The following ZNF423 variants were observed in gnomAD, a reference collection of about 807,000 sequenced individuals.
ZNF423 encodes the protein Ebf-associated zinc finger protein.
Under a neutral mutation model 95.8 loss-of-function variants are expected in ZNF423, and 12 were observed. The observed-to-expected ratio is 0.13, with a 90% confidence interval of 0.08 to 0.20. The LOEUF (loss-of-function observed/expected upper bound fraction) is 0.20, where lower values mean the gene tolerates loss of function less well. Ranked by LOEUF, ZNF423 falls within the 10% of genes least tolerant of loss-of-function variation. The pLI, the probability that ZNF423 is intolerant of heterozygous loss-of-function variation, is 1.00. For synonymous variants in ZNF423, 749 were observed against 711.9 expected (o/e 1.05, Z -0.83); for missense variants, 1,316 against 1,737.1 (o/e 0.76, Z 4.31).
chr16:49,641,259 C>T (rs890925646), intron 3 of ZNF423, among the ~76,000 whole-genome samples: 1 of 152,182 alleles, frequency 6.6e-6, no homozygotes, highest in African/African-American at 2.4e-5. Flanking sequence ...GCCCCTTGAT[C>T]GTGATGTGGG....
intron 1 of ZNF423, among the ~76,000 whole-genome samples, chr16:49,830,987 TC>T (rs2035055003): frequency 6.6e-6 from 1 of 152,132 alleles, no homozygotes; most frequent in Admixed American, 6.5e-5. Context: ...TGCTTGCTCT[TC>T]CTCTTTCCAG....
chr16:49,737,023 G>C (rs1188163230), intron 2 of ZNF423, among the ~76,000 whole-genome samples: 1 of 152,134 alleles, frequency 6.6e-6, no homozygotes, highest in African/African-American at 2.4e-5. Flanking sequence ...CCTACACCCT[G>C]AGGGGAGCTG....
intron 1 of ZNF423, among the ~76,000 whole-genome samples, chr16:49,811,876 G>A (rs1185265210): frequency 1.3e-5 from 2 of 151,210 alleles, no homozygotes; most frequent in Middle Eastern, 3.4e-3. Flanking sequence ...GCCAGCCACC[G>A]CCAGCCAGAA....
chr16:49,599,762 A>G (rs968399825), intron 5 of ZNF423, among the ~76,000 whole-genome samples: 3 of 152,244 alleles, frequency 2.0e-5, no homozygotes, highest in Non-Finnish European at 4.4e-5. Context: ...CAAGGACCAC[A>G]GGATGCATGG....
In ZNF423 at chr16:49,492,538, C is replaced by A. The variant is rs533886837; in HGVS notation, c.3850-1234G>T. On this transcript the variant is annotated intron_variant, in intron 7 of 7. Coordinates refer to ENST00000563137, the MANE Select transcript of ZNF423 (RefSeq NM_001379286.1). The surrounding 1 kb of genome is among the most constrained non-coding windows in gnomAD (Gnocchi z 4.2). ...TCCTGCTCCCTGGAGCAGGGCCCCG[C>A]GCAGTCCCTTCCCGTGACGGGCACT... Among the ~76,000 whole-genome samples the A allele has an allele frequency of 2.1e-3, 326 of 152,292 alleles. 1 individual carries two copies. Among genetic ancestry groups the A allele is most frequent in the African/African-American group, 7.6e-3 (315 of 41,578 alleles).
At chr16:49,808,787 T>C (rs1203032973) in intron 1 of ZNF423, among the ~76,000 whole-genome samples, 2 of 152,140 alleles carry the variant, frequency 1.3e-5, no homozygotes, top group South Asian at 2.1e-4. Flanking sequence ...TCACGACAAG[T>C]GTGACTATTT....
intron 2 of ZNF423, among the ~76,000 whole-genome samples, chr16:49,748,226 G>T (rs546150069): frequency 2.0e-5 from 3 of 152,370 alleles, no homozygotes; most frequent in Non-Finnish European, 4.4e-5. Context: ...AATGAAGGTA[G>T]ACTGAGGTGA....
intron 5 of ZNF423, among the ~76,000 whole-genome samples, chr16:49,575,961 G>A (rs1672942691): frequency 6.6e-6 from 1 of 152,150 alleles, no homozygotes; most frequent in African/African-American, 2.4e-5. Flanking sequence ...CTCTGTCTTA[G>A]GGTGGGGTCC....
chr16:49,756,856 G>T (rs1325063656), intron 2 of ZNF423, among the ~76,000 whole-genome samples: 2 of 152,226 alleles, frequency 1.3e-5, no homozygotes, highest in African/African-American at 2.4e-5. Context: ...AAGCCAGCAT[G>T]CGCGGGGAGG....
At chr16:49,755,132 C>A (rs35404348) in intron 2 of ZNF423, among the ~76,000 whole-genome samples, 367 of 152,272 alleles carry the variant, frequency 2.4e-3, no homozygotes, top group African/African-American at 7.1e-3. Flanking sequence ...CCTGTCCCCC[C>A]ACAAGTGCAA....
intron 3 of ZNF423, among the ~76,000 whole-genome samples, chr16:49,674,891 C>A (rs1380392631): frequency 1.3e-5 from 2 of 152,114 alleles, no homozygotes; most frequent in Admixed American, 6.5e-5. Context: ...CAATCATGAC[C>A]ACCCCTGCTT....
Position 49,636,308 on chromosome 16 carries a change from G to A in ZNF423, c.2868C>T (p.His956=). 1.2e-6 allele frequency: 2 copies of A among 1,612,706 alleles called. No individual in the cohort carries two copies. The highest frequency in any genetic ancestry group is 1.7e-6 in the Non-Finnish European group (2 of 1,180,030). Residue 956 remains histidine, a synonymous_variant, in exon 4 of 8, where the codon CAC becomes CAT. Transcript: ENST00000563137. The surrounding 1 kb of genome is among the most constrained non-coding windows in gnomAD (Gnocchi z 8.6). ...TGGCAGGGCCCCGGTGCGTCTGCAG[G>A]TGCTCCCGTAGCCCGTTCTCCGAGA... ...TFFSENGLRE[H]LQTHRGPAKH...
intron 2 of ZNF423, chr16:49,731,341 T>A: frequency 1.0e-6 from 1 of 985,392 alleles, no homozygotes; most frequent in South Asian, 4.7e-5. Context: ...ACCTAAACTT[T>A]TAGTTTTCCC....
chr16:49,817,505 G>A (rs548786069), intron 1 of ZNF423, among the ~76,000 whole-genome samples: 1 of 152,292 alleles, frequency 6.6e-6, no homozygotes, highest in South Asian at 2.1e-4. Context: ...TTTCCAGGAA[G>A]GAAATGCAGA....
intron 2 of ZNF423, among the ~76,000 whole-genome samples, chr16:49,764,975 G>A (rs1327712384): frequency 1.3e-5 from 2 of 150,724 alleles, no homozygotes; most frequent in Non-Finnish European, 3.0e-5. Flanking sequence ...GCCAGGCTGG[G>A]CTCAAACTCC....
chr16:49,773,116 C>T (rs1322947628), intron 2 of ZNF423, among the ~76,000 whole-genome samples: 3 of 152,120 alleles, frequency 2.0e-5, no homozygotes, highest in Admixed American at 6.6e-5. Context: ...GTCAGGAGTT[C>T]GAGACCAGCC....
rs1482014637 is a variant in ZNF423 at position 49,534,078 on chromosome 16, C to T, written c.3602-8584G>A. Among the ~76,000 whole-genome samples, 11 of 152,174 alleles carry T rather than the reference C, an allele frequency of 7.2e-5. No individual in the cohort carries two copies. In the East Asian group the frequency reaches 1.5e-3, roughly 21 times the overall value. On this transcript the variant is annotated intron_variant, in intron 5 of 7. Coordinates refer to ENST00000563137, the MANE Select transcript of ZNF423 (RefSeq NM_001379286.1). ...TCTTCAGCCCAGGACTTTGAGGTTA[C>T]ATTGAGCTATGAACCATTGCACCCC... is the stretch of plus-strand genomic sequence containing the variant.
intron 2 of ZNF423, among the ~76,000 whole-genome samples, chr16:49,757,250 A>G (rs2033744214): frequency 6.6e-6 from 1 of 152,210 alleles, no homozygotes; most frequent in Non-Finnish European, 1.5e-5. Flanking sequence ...TCCATGTGCT[A>G]TTGGAGATTC....
intron 7 of ZNF423, among the ~76,000 whole-genome samples, chr16:49,505,547 C>G (rs1967598801): frequency 6.6e-6 from 1 of 152,040 alleles, no homozygotes; most frequent in South Asian, 2.1e-4. Context: ...GCTGACAGAC[C>G]CCCAGGCTGC....
Sources: allele counts gnomAD v4.1 joint callset (sites outside exome capture counted in the v4.1 genomes callset), GRCh38; gene constraint gnomAD v4.1.1; non-coding constraint Gnocchi (gnomAD v3.1); transcripts MANE v1.5; gene names NCBI Gene and HGNC (gene_info 2026-07-23, HGNC 2026-07-21).